Variants in ME1 observed in about 807,000 individuals in gnomAD.
The protein encoded by ME1 is NADP-dependent malic enzyme.
In ME1, 74 loss-of-function variants were observed where a neutral mutation model predicts 66.4. The ratio of observed to expected loss-of-function variants is 1.11; its 90% CI spans 0.92 to 1.35. The LOEUF (loss-of-function observed/expected upper bound fraction) is 1.35. Ranked by LOEUF, ME1 falls within the 40% of genes most tolerant of loss-of-function variation. The probability of loss-of-function intolerance (pLI) is 0.00; values close to 1 mark genes in which losing one functional copy is unlikely to be tolerated. For synonymous variants in ME1, 251 were observed against 235.6 expected (o/e 1.07, Z -0.60); for missense variants, 750 against 694.1 (o/e 1.08, Z -0.90).
chr6:83,353,541 AGTT>A (rs912308962), intron 3 of ME1, among the ~76,000 whole-genome samples: 58 of 151,114 alleles, frequency 3.8e-4, no homozygotes, highest in African/African-American at 1.2e-3. Flanking sequence ...GTTTCCACTT[AGTT>A]GTTGTTGTTG....
chr6:83,239,703 T>G, intron 7 of ME1, 67 bp from the exon 8 acceptor site: 1 of 1,115,400 alleles, frequency 9.0e-7, no homozygotes, highest in Non-Finnish European at 1.4e-6. Context: ...AAGCTTTTAT[T>G]CACAACTTGA....
At chr6:83,265,341 G>C (rs1766970511) in intron 6 of ME1, among the ~76,000 whole-genome samples, 1 of 152,002 alleles carries the variant, frequency 6.6e-6, no homozygotes, top group Non-Finnish European at 1.5e-5. Flanking sequence ...CCATCATCCA[G>C]ACTGGAGTGC....
intron 5 of ME1, among the ~76,000 whole-genome samples, chr6:83,328,509 TTTTTAATTTCATAA>T (rs1165234109): frequency 6.6e-6 from 1 of 152,192 alleles, no homozygotes; most frequent in African/African-American, 2.4e-5. Flanking sequence ...AAAATTAGTT[TTTTTAATTTCATAA>T]TTTTAATTAA....
chr6:83,352,191 T>G, intron 3 of ME1, 52 bp from the exon 4 acceptor site: 9 of 1,162,874 alleles, frequency 7.7e-6, no homozygotes, highest in Middle Eastern at 2.1e-4. Flanking sequence ...TTCAGGCCTG[T>G]CAAACTACCA....
intron 1 of ME1, among the ~76,000 whole-genome samples, chr6:83,417,109 G>A (rs4706995): frequency 6.6e-6 from 1 of 152,154 alleles, no homozygotes; most frequent in Non-Finnish European, 1.5e-5. Flanking sequence ...GAGTGCGGTA[G>A]TATAATCATA....
chr6:83,301,943 T>C (rs1489604658), intron 6 of ME1, among the ~76,000 whole-genome samples: 1 of 152,176 alleles, frequency 6.6e-6, no homozygotes, highest in East Asian at 1.9e-4. Context: ...ATCCCATTAC[T>C]GTGTATGTAC....
At chr6:83,400,666 T>C (rs1344186988) in intron 2 of ME1, among the ~76,000 whole-genome samples, 4 of 152,192 alleles carry the variant, frequency 2.6e-5, no homozygotes, top group African/African-American at 4.8e-5. Context: ...CATCCCAGCC[T>C]ACATTCTATT....
chr6:83,389,106 G>A (rs984610618), intron 3 of ME1, among the ~76,000 whole-genome samples: 1 of 152,080 alleles, frequency 6.6e-6, no homozygotes, highest in South Asian at 2.1e-4. Flanking sequence ...GTGACAGAGT[G>A]AGACTCTGTC....
chr6:83,402,966 CA>C (rs1282392578), intron 2 of ME1, among the ~76,000 whole-genome samples: 5 of 152,168 alleles, frequency 3.3e-5, no homozygotes, highest in African/African-American at 1.2e-4. Context: ...AGCAACAATC[CA>C]TATGCAAATT....
At chr6:83,420,327 C>CA (rs1770240671) in intron 1 of ME1, among the ~76,000 whole-genome samples, 1 of 152,188 alleles carries the variant, frequency 6.6e-6, no homozygotes, top group African/African-American at 2.4e-5. Context: ...CTCAGCCTCC[C>CA]AAAGTGCTTG....
At chr6:83,231,960 A>C (rs1790317002) in intron 9 of ME1, among the ~76,000 whole-genome samples, 1 of 152,108 alleles carries the variant, frequency 6.6e-6, no homozygotes, top group Admixed American at 6.5e-5. Context: ...TTCTTACTAT[A>C]TCGTAGAAGA....
At chr6:83,392,912 C>A in intron 3 of ME1, 3 of 805,762 alleles carry the variant, frequency 3.7e-6, no homozygotes, top group South Asian at 2.7e-5. Context: ...TCATCCATGA[C>A]AACTTTGGTA....
intron 3 of ME1, among the ~76,000 whole-genome samples, chr6:83,378,896 T>C (rs1769343287): frequency 6.6e-6 from 1 of 152,114 alleles, no homozygotes; most frequent in East Asian, 1.9e-4. Context: ...CTGGGATTGC[T>C]TGAGGTTTTT....
intron 7 of ME1, 124 bp from the exon 8 acceptor site, chr6:83,239,760 T>C: frequency 3.1e-6 from 2 of 642,490 alleles, no homozygotes; most frequent in Non-Finnish European, 2.7e-6. Flanking sequence ...AACCTGTGGT[T>C]GTCTTATCCC....
intron 2 of ME1, 83 bp downstream of exon 2, chr6:83,407,685 T>C (rs1769972249): frequency 1.5e-6 from 2 of 1,337,246 alleles, no homozygotes; most frequent in Non-Finnish European, 2.0e-6. Context: ...AATCATTAAA[T>C]GTTTTCATTT....
chr6:83,257,971 G>T (rs11970456), intron 6 of ME1, among the ~76,000 whole-genome samples: 6,429 of 152,210 alleles, frequency 0.042, 422 homozygotes, highest in African/African-American at 0.14. Flanking sequence ...CAGTATGTGA[G>T]GAGGAATCAG....
chr6:83,348,671 A>G (rs1247617280), intron 4 of ME1, among the ~76,000 whole-genome samples: 1 of 151,560 alleles, frequency 6.6e-6, no homozygotes, highest in African/African-American at 2.4e-5. Flanking sequence ...TAAACTAAAT[A>G]TATGTCTTGA....
intron 9 of ME1, among the ~76,000 whole-genome samples, chr6:83,237,306 G>GAAAGAA (rs1790430493): frequency 1.1e-5 from 1 of 90,572 alleles, no homozygotes; most frequent in African/African-American, 4.9e-5. Context: ...GAAAGAAAAA[G>GAAAGAA]AAAGAAAGAA....
intron 6 of ME1, among the ~76,000 whole-genome samples, chr6:83,303,371 T>A (rs1301201756): frequency 1.3e-5 from 2 of 152,218 alleles, no homozygotes; most frequent in African/African-American, 4.8e-5. Flanking sequence ...ACAATTAATA[T>A]GTAGCATAGG....
Sources: allele counts gnomAD v4.1 joint callset (sites outside exome capture counted in the v4.1 genomes callset), GRCh38; gene constraint gnomAD v4.1.1; transcripts MANE v1.5; gene names NCBI Gene and HGNC (gene_info 2026-07-23, HGNC 2026-07-21).